Variants in WASF3 observed in about 807,000 individuals in gnomAD.
WASF3 encodes WASP family member 3.
Under a neutral mutation model 46.6 loss-of-function variants are expected in WASF3, and 11 were observed. The observed-to-expected ratio is 0.24, with a 90% CI of 0.15 to 0.39. The LOEUF is 0.39. Among genes scored for constraint, WASF3 ranks in the 10% least tolerant of loss-of-function variants. The pLI, the probability that WASF3 is intolerant of heterozygous loss-of-function variation, is 1.00. For synonymous variants in WASF3, 242 were observed against 259.7 expected (o/e 0.93, Z 0.65); for missense variants, 576 against 669.8 (o/e 0.86, Z 1.55).
chr13:26,623,397 C>T (rs1267245294), intron 2 of WASF3, among the ~76,000 whole-genome samples: 1 of 152,186 alleles, frequency 6.6e-6, no homozygotes, highest in African/African-American at 2.4e-5. Context: ...AATGAAACCT[C>T]TAGCCCATAG....
At chr13:26,577,368 G>A (rs1199027112) in intron 1 of WASF3, 5 of 767,158 alleles carry the variant, frequency 6.5e-6, no homozygotes, top group African/African-American at 1.7e-5. Context: ...CAACAGGTCC[G>A]CCAAATCCGG....
At chr13:26,554,076 C>CTTTCT (rs1164603154), upstream of WASF3, among the ~76,000 whole-genome samples, 7 of 72,514 alleles carry the variant, frequency 9.7e-5, no homozygotes, top group South Asian at 5.4e-4. Context: ...TCCTTCCTTC[C>CTTTCT]TTCCTTCCTT....
chr13:26,596,462 A>C (rs930443754), intron 1 of WASF3, among the ~76,000 whole-genome samples: 1 of 151,746 alleles, frequency 6.6e-6, no homozygotes, highest in African/African-American at 2.4e-5. Flanking sequence ...TCATATTCTG[A>C]CTTTAATTAT....
intron 1 of WASF3, among the ~76,000 whole-genome samples, chr13:26,573,250 A>G (rs1360934476): frequency 6.6e-6 from 1 of 152,150 alleles, no homozygotes; most frequent in African/African-American, 2.4e-5. Context: ...TTTTAAATTC[A>G]TTTCCATAGA....
chr13:26,687,769 G>A lies in WASF3; in HGVS notation c.*1924G>A, dbSNP rs141194918. ...GTTAAAAAGGGCCTACTACATTGGC[G>A]CTATTCTTAGGACTTCTGCAACTTT... On this transcript the variant is annotated 3_prime_UTR_variant, in exon 10 of 10. Coordinates refer to ENST00000335327, the MANE Select transcript of WASF3 (RefSeq NM_006646.6). 1.7e-3 allele frequency: 250 copies of A among 146,872 alleles called. No individual in the cohort carries two copies. The highest frequency in any genetic ancestry group is 5.9e-3 in the African/African-American group (235 of 39,606). The allele number at this position is 146,872 out of a possible 1,614,324, so 9.1% of individuals were successfully genotyped here. A position where few individuals can be genotyped will look rare whatever the true frequency, so the allele number is the denominator to read the frequency against.
At chr13:26,553,509 A>G (rs1007685715), upstream of WASF3, among the ~76,000 whole-genome samples, 1 of 152,004 alleles carries the variant, frequency 6.6e-6, no homozygotes, top group Non-Finnish European at 1.5e-5. Context: ...TTTGTCTACA[A>G]GTGGTTCAGC....
intron 1 of WASF3, among the ~76,000 whole-genome samples, chr13:26,599,636 A>T (rs773131573): frequency 2.6e-5 from 4 of 152,126 alleles, no homozygotes; most frequent in Admixed American, 6.6e-5. Context: ...AAGTTTGTTA[A>T]CAGTTCAGCT....
rs371152678 is a variant in WASF3, at chr13:26,687,721, C to CTTTTTTTT, written c.*1877_*1878insTTTTTTTT. On this transcript the variant is annotated 3_prime_UTR_variant, in exon 10 of 10. Transcript: ENST00000335327. ...CTAAATTTCTAATTTCTCTCTCTCT[C>CTTTTTTTT]TCTTTTTTTTTTTTTTGTTGTTGTT... The CTTTTTTTT allele has an allele frequency of 2.5e-4, 21 of 83,362 alleles. No individual in the cohort carries two copies. The highest frequency in any genetic ancestry group is 5.0e-4 in the Non-Finnish European group (17 of 34,106). The allele number at this position is 83,362 out of a possible 1,614,324, so 5.2% of individuals were successfully genotyped here. A position where few individuals can be genotyped will look rare whatever the true frequency, so the allele number is the denominator to read the frequency against.
At position 26,586,713 on chromosome 13, in the gene WASF3, A is replaced by G. The variant is rs527612458; in HGVS notation, c.-108-26248A>G. Among the ~76,000 whole-genome samples the G allele has an allele frequency of 2.0e-5, 3 of 152,294 alleles. No individual in the cohort carries two copies. In the South Asian group the frequency reaches 6.2e-4, roughly 32 times the overall value. On this transcript the variant is annotated intron_variant, in intron 1 of 9. Transcript: ENST00000335327. ...GATCAATTCTAAGAGCCCCATCTGTATTATAAATCTGGAGACTGGGTTTTA... is the reference window on the plus strand; with the variant it reads ...GATCAATTCTAAGAGCCCCATCTGTGTTATAAATCTGGAGACTGGGTTTTA...
At chr13:26,578,036 A>G (rs560194614) in intron 1 of WASF3, among the ~76,000 whole-genome samples, 1 of 152,330 alleles carries the variant, frequency 6.6e-6, no homozygotes, top group East Asian at 1.9e-4. Flanking sequence ...GTATAGGATC[A>G]TAAAATGTGG....
intron 7 of WASF3, among the ~76,000 whole-genome samples, chr13:26,677,128 TA>T (rs1883090482): frequency 6.6e-6 from 1 of 152,232 alleles, no homozygotes; most frequent in Admixed American, 6.5e-5. Context: ...GTAAAGTAAC[TA>T]AGGAGTACCT....
the WASF3 span, among the ~76,000 whole-genome samples, chr13:26,550,188 A>G: frequency 2.6e-5 from 4 of 152,222 alleles, no homozygotes; most frequent in Admixed American, 6.5e-5. Flanking sequence ...GGGAGGGTCT[A>G]TATGCTACAT....
intron 1 of WASF3, among the ~76,000 whole-genome samples, chr13:26,606,321 C>CGTGTGTGT (rs60865367): frequency 0.018 from 2,346 of 132,026 alleles, 49 homozygotes; most frequent in Non-Finnish European, 0.022. Flanking sequence ...TCTTTTTTTT[C>CGTGTGTGT]GTGTGTGTGT....
At chr13:26,639,099 G>C (rs1881917879) in intron 2 of WASF3, among the ~76,000 whole-genome samples, 1 of 152,088 alleles carries the variant, frequency 6.6e-6, no homozygotes, top group African/African-American at 2.4e-5. Flanking sequence ...CCAGTCTCAG[G>C]TACTCTGTAT....
At position 26,665,169 on chromosome 13, in the gene WASF3, A is replaced by G. The variant is rs550309167; in HGVS notation, c.268+7A>G. 2.4e-5 allele frequency: 38 copies of G among 1,613,258 alleles called. No individual in the cohort carries two copies. The African/African-American group carries it at 4.8e-4, about 20-fold the overall frequency. ...GATTCAACAGTGGAAGAGGGTAGGT[A>G]ATTGCCTGAAAGCAGTGAGCTAGAA... On this transcript the variant is annotated splice_region_variant and intron_variant, in intron 4 of 9. Coordinates refer to ENST00000335327, the MANE Select transcript of WASF3 (RefSeq NM_006646.6).
chr13:26,612,509 G>A (rs1374244622), intron 1 of WASF3, among the ~76,000 whole-genome samples: 1 of 152,166 alleles, frequency 6.6e-6, no homozygotes, highest in Non-Finnish European at 1.5e-5. Flanking sequence ...TTTATAAAAT[G>A]ATCTCCAAGA....
intron 2 of WASF3, among the ~76,000 whole-genome samples, chr13:26,633,850 A>C (rs1000459363): frequency 4.6e-5 from 7 of 152,164 alleles, no homozygotes; most frequent in African/African-American, 1.7e-4. Flanking sequence ...CTGTGTTCTG[A>C]GAGACAGTTT....
intron 1 of WASF3, among the ~76,000 whole-genome samples, chr13:26,578,015 CT>C (rs928333156): frequency 1.3e-5 from 2 of 151,896 alleles, no homozygotes; most frequent in African/African-American, 2.4e-5. Flanking sequence ...ATTCCTTAGA[CT>C]TTTTTTTATG....
intron 5 of WASF3, among the ~76,000 whole-genome samples, chr13:26,670,708 A>G (rs9512323): frequency 0.29 from 44,236 of 152,072 alleles, 6,702 homozygotes; most frequent in South Asian, 0.39. Flanking sequence ...TAATGTTATT[A>G]ATAAAATCTC....
Sources: gnomAD v4.1 joint callset for allele counts (sites outside exome capture counted in the v4.1 genomes callset) on GRCh38, gnomAD v4.1.1 for gene constraint, MANE v1.5 for transcripts, NCBI Gene and HGNC (gene_info 2026-07-23, HGNC 2026-07-21) for gene names.